The following RYR2 variants were observed in gnomAD, a reference collection of about 807,000 sequenced individuals.
The protein encoded by RYR2 is ryanodine receptor 2.
Under a neutral mutation model 601.1 loss-of-function variants are expected in RYR2, and 227 were observed. The ratio of observed to expected loss-of-function variants is 0.38; its 90% CI spans 0.34 to 0.42. The LOEUF (loss-of-function observed/expected upper bound fraction) is 0.42, where lower values mean the gene tolerates loss of function less well. RYR2 is among the 10% of genes least tolerant of loss of function. The probability of loss-of-function intolerance (pLI) is 1.00; values close to 1 mark genes in which losing one functional copy is unlikely to be tolerated. For synonymous variants in RYR2, 2,223 were observed against 2,175.1 expected (o/e 1.02, Z -0.61); for missense variants, 4,646 against 6,156.5 (o/e 0.75, Z 8.21).
At chr1:237,573,863 C>T (rs895328422) in intron 29 of RYR2, among the ~76,000 whole-genome samples, 2 of 151,900 alleles carry the variant, frequency 1.3e-5, no homozygotes, top group African/African-American at 4.8e-5. Context: ...TAAGGGGCTG[C>T]AGACCTCTTC....
chr1:237,748,307 G>A (rs1312148995), intron 80 of RYR2, among the ~76,000 whole-genome samples: 1 of 152,132 alleles, frequency 6.6e-6, no homozygotes, highest in African/African-American at 2.4e-5. Context: ...GCCTCCCCGG[G>A]GAAGGAGGAT....
intron 3 of RYR2, chr1:237,341,629 C>T: frequency 1.9e-6 from 1 of 516,296 alleles, no homozygotes; most frequent in Non-Finnish European, 3.9e-6. Context: ...CAAGACAATG[C>T]ATGTTATGTA....
At chr1:237,301,451 G>A (rs1237643083) in intron 2 of RYR2, among the ~76,000 whole-genome samples, 1 of 152,098 alleles carries the variant, frequency 6.6e-6, no homozygotes, top group Non-Finnish European at 1.5e-5. Flanking sequence ...GTCACTGTAG[G>A]AAAGTGTTTG....
At chr1:237,515,672 T>TTTC (rs369582129) in intron 24 of RYR2, among the ~76,000 whole-genome samples, 1 of 104,802 alleles carries the variant, frequency 9.5e-6, no homozygotes, top group Non-Finnish European at 2.0e-5. Context: ...CCTCCCTTTT[T>TTTC]TTCCTTCCTT....
At chr1:237,333,443 G>A (rs115932328) in intron 3 of RYR2, among the ~76,000 whole-genome samples, 2,515 of 152,300 alleles carry the variant, frequency 0.017, 60 homozygotes, top group African/African-American at 0.055. Context: ...GAGTTCTGGA[G>A]GCCTCTATTG....
rs1173413037 is a variant in RYR2 at position 237,819,620 on chromosome 1, G to A, written c.14590+428G>A. Among the ~76,000 whole-genome samples the A allele has an allele frequency of 6.7e-6, 1 of 150,138 alleles. No homozygotes were observed. The highest frequency in any genetic ancestry group is 1.5e-5 in the Non-Finnish European group (1 of 67,994). The stretch of plus-strand genomic sequence containing the variant: ...GGATCACTTGAGGTCAGGAGCTCGA[G>A]ACCAGCCTGACCAACATGGTAAACC... On this transcript the variant is annotated intron_variant, in intron 101 of 104. Transcript: ENST00000366574. This position sits in a 1 kb window ranked among gnomAD's most constrained non-coding sequence, Gnocchi z 4.0.
In RYR2 at chr1:237,705,336, A is replaced by G; in HGVS notation, c.9573A>G (p.Glu3191=). The stretch of plus-strand genomic sequence containing the variant: ...TCTACAATACCAAGTCTTCACGAGA[A>G]AGAGCAGGTAACACAGAAACATGTG... ...YSIYNTKSSR[E]RAALSLPTNV... Residue 3191 remains glutamate, a synonymous_variant, in exon 67 of 105, where the codon GAA becomes GAG. Transcript: ENST00000366574. The G allele has an allele frequency of 6.2e-7, 1 of 1,604,072 alleles. No individual in the cohort carries two copies. The highest frequency in any genetic ancestry group is 8.5e-7 in the Non-Finnish European group (1 of 1,174,510).
intron 63 of RYR2, among the ~76,000 whole-genome samples, chr1:237,697,450 AATAT>A (rs1351334218): frequency 7.0e-6 from 1 of 142,386 alleles, no homozygotes; most frequent in Non-Finnish European, 1.5e-5. Flanking sequence ...TATTTATGTA[AATAT>A]ATATTATATG....
chr1:237,380,804 G>A (rs995172768), intron 8 of RYR2, among the ~76,000 whole-genome samples: 6 of 151,866 alleles, frequency 4.0e-5, no homozygotes, highest in East Asian at 3.9e-4. Flanking sequence ...TAGGCCAGGC[G>A]CGGTGGCTCA....
chr1:237,313,737 A>G (rs911360905), intron 2 of RYR2, among the ~76,000 whole-genome samples: 2 of 152,222 alleles, frequency 1.3e-5, no homozygotes, highest in African/African-American at 4.8e-5. Flanking sequence ...AGGAAAAGAA[A>G]TTTGAAGACC....
chr1:237,494,629 A>T (rs1396051550), intron 19 of RYR2, among the ~76,000 whole-genome samples: 1 of 152,112 alleles, frequency 6.6e-6, no homozygotes, highest in African/African-American at 2.4e-5. Flanking sequence ...ACATCCCTCA[A>T]ATGAACACAT....
chr1:237,573,612 A>C (rs780125322), intron 29 of RYR2, among the ~76,000 whole-genome samples: 1 of 150,178 alleles, frequency 6.7e-6, no homozygotes. Flanking sequence ...GGAGATCAAG[A>C]CCATCCTGGC....
At chr1:237,354,856 A>T (rs1346543920) in intron 3 of RYR2, among the ~76,000 whole-genome samples, 1 of 152,178 alleles carries the variant, frequency 6.6e-6, no homozygotes. Flanking sequence ...TAAGTAAATT[A>T]CAAAAGAAGG....
chr1:237,264,091 G>GCACACACACACACA (rs34623856), intron 1 of RYR2, among the ~76,000 whole-genome samples: 35 of 147,512 alleles, frequency 2.4e-4, no homozygotes, highest in African/African-American at 4.7e-4. Context: ...ACATGCACAT[G>GCACACACACACACA]CACACACACA....
rs1461569961 is a variant in RYR2 at position 237,548,469 on chromosome 1, A to G, written c.2945A>G (p.Asp982Gly). 24 of 1,613,886 alleles carry G rather than the reference A, an allele frequency of 1.5e-5. No individual in the cohort carries two copies. Among genetic ancestry groups the G allele is most frequent in the Non-Finnish European group, 1.9e-5 (22 of 1,179,890 alleles). ...LTSGYKPAPM[D>G]LSFIKLTPSQ... ...AGTGGATACAAGCCTGCCCCTATGGACCTGAGCTTTATCAAACTCACCCCA... is the reference window on the plus strand; with the variant it reads ...AGTGGATACAAGCCTGCCCCTATGGGCCTGAGCTTTATCAAACTCACCCCA... The change falls in exon 26 of 105, where the codon GAC becomes GGC. Residue 982 changes from aspartate (D) to glycine (G), a missense_variant. This residue lies in a region of RYR2 where 1,807 missense variants were observed against 2,088.1 expected (regional missense o/e 0.87). Transcript: ENST00000366574.
Position 237,594,908 on chromosome 1 carries a change from T to G in RYR2, c.4437-590T>G, listed in dbSNP as rs1468332252. Among the ~76,000 whole-genome samples, 36 of 81,306 alleles carry G rather than the reference T, an allele frequency of 4.4e-4. 1 individual carries two copies. Among genetic ancestry groups the G allele is most frequent in the East Asian group, 1.8e-3 (5 of 2,708 alleles). The allele number at this position is 81,306 out of a possible 152,430, so 53.3% of individuals were successfully genotyped here. A position where few individuals can be genotyped will look rare whatever the true frequency, so the allele number is the denominator to read the frequency against. On this transcript the variant is annotated intron_variant, in intron 33 of 104. Transcript: ENST00000366574. ...TGGGTTTTTTTTTTTTTTTTTTTTT[T>G]TTTTTTTTTTTTTTTTTTTTTTTGC...
intron 1 of RYR2, among the ~76,000 whole-genome samples, chr1:237,108,343 C>T (rs1188465860): frequency 6.6e-6 from 1 of 152,180 alleles, no homozygotes; most frequent in Non-Finnish European, 1.5e-5. Flanking sequence ...AAAACAATGA[C>T]TAGGACAAAT....
chr1:237,811,592 T>C (rs984158006), intron 100 of RYR2, among the ~76,000 whole-genome samples: 2 of 152,168 alleles, frequency 1.3e-5, no homozygotes, highest in Admixed American at 1.3e-4. Flanking sequence ...AGTTAAAAAT[T>C]GGGGATACAT....
At chr1:237,807,406 G>T (rs1481762873) in intron 99 of RYR2, among the ~76,000 whole-genome samples, 2 of 152,058 alleles carry the variant, frequency 1.3e-5, no homozygotes, top group Non-Finnish European at 2.9e-5. Flanking sequence ...GCTGGAATGC[G>T]GCGGCGCGAT....
Sources: allele counts gnomAD v4.1 joint callset (sites outside exome capture counted in the v4.1 genomes callset), GRCh38; gene constraint gnomAD v4.1.1; regional missense constraint gnomAD v4.1.1; non-coding constraint Gnocchi (gnomAD v3.1); transcripts MANE v1.5; gene names NCBI Gene and HGNC (gene_info 2026-07-23, HGNC 2026-07-21).